TMTC2: variants seen among roughly 807,000 people sequenced by gnomAD.
TMTC2 encodes the protein protein O-mannosyl-transferase TMTC2.
Under a neutral mutation model 82.4 loss-of-function variants are expected in TMTC2, and 43 were observed. That is an observed-to-expected ratio of 0.52 (90% CI 0.41 to 0.67). TMTC2 has a LOEUF of 0.67. TMTC2 is among the 30% of genes least tolerant of loss of function. The probability of loss-of-function intolerance (pLI) is 0.00; values close to 1 mark genes in which losing one functional copy is unlikely to be tolerated. For missense variants in TMTC2, 919 were observed against 1,012.4 expected, an observed-to-expected ratio of 0.91 and a Z score of 1.25; for synonymous variants, 408 against 381.9, an observed-to-expected ratio of 1.07 and a Z score of -0.80.
intron 1 of TMTC2, 118 bp from the exon 2 acceptor site, chr12:82,856,892 C>T (rs1871281605): frequency 3.1e-6 from 3 of 970,542 alleles, no homozygotes; most frequent in Admixed American, 2.5e-5. Flanking sequence ...TGCCTGGAAT[C>T]CCATCACAAA....
At chr12:83,124,623 A>C (rs1435987605) in intron 11 of TMTC2, among the ~76,000 whole-genome samples, 1 of 151,406 alleles carries the variant, frequency 6.6e-6, no homozygotes, top group East Asian at 1.9e-4. Context: ...GGACTTTGTC[A>C]ATGGAGCAGT....
At chr12:82,821,516 A>G (rs527625716) in intron 1 of TMTC2, among the ~76,000 whole-genome samples, 5 of 152,316 alleles carry the variant, frequency 3.3e-5, no homozygotes, top group African/African-American at 1.2e-4. Context: ...GAGGCTTAGA[A>G]AGATTAAGTA....
intron 4 of TMTC2, among the ~76,000 whole-genome samples, chr12:82,946,587 T>C (rs1199060812): frequency 1.3e-5 from 2 of 152,032 alleles, no homozygotes; most frequent in African/African-American, 4.8e-5. Flanking sequence ...TGGCACAGGG[T>C]TTGGGTAAAA....
At chr12:82,947,062 C>T (rs1877049705) in intron 4 of TMTC2, among the ~76,000 whole-genome samples, 1 of 151,980 alleles carries the variant, frequency 6.6e-6, no homozygotes, top group South Asian at 2.1e-4. Flanking sequence ...CTTTCTTTAA[C>T]AACAGAAATT....
chr12:82,850,601 A>T (rs1870923752), intron 1 of TMTC2, among the ~76,000 whole-genome samples: 2 of 152,276 alleles, frequency 1.3e-5, no homozygotes, highest in South Asian at 4.2e-4. Context: ...CCTCAAAAAG[A>T]TAGGAAGAGA....
At chr12:82,981,650 C>CA (rs1878923323) in intron 7 of TMTC2, among the ~76,000 whole-genome samples, 1 of 151,806 alleles carries the variant, frequency 6.6e-6, no homozygotes, top group Non-Finnish European at 1.5e-5. Context: ...GCACCATAAA[C>CA]GTTTTTTTCT....
At chr12:82,986,708 CA>C (rs1879168606) in intron 8 of TMTC2, 1 of 152,426 alleles carries the variant, frequency 6.6e-6, no homozygotes, top group African/African-American at 2.4e-5. Context: ...ATGTGACAAG[CA>C]CCCTTGGAGG....
At chr12:82,792,268 AT>A (rs11354326) in intron 1 of TMTC2, among the ~76,000 whole-genome samples, 2,970 of 151,420 alleles carry the variant, frequency 0.02, 101 homozygotes, top group African/African-American at 0.067. Context: ...CAGTACTGTA[AT>A]TTTTTTTTAG....
chr12:83,034,024 GCA>G (rs1881563398), intron 9 of TMTC2, among the ~76,000 whole-genome samples: 1 of 151,436 alleles, frequency 6.6e-6, no homozygotes, highest in African/African-American at 2.4e-5. Context: ...GCCCTGCTGT[GCA>G]CAGTTTTAGA....
intron 1 of TMTC2, among the ~76,000 whole-genome samples, chr12:82,715,943 C>A (rs1001563523): frequency 3.9e-5 from 6 of 152,196 alleles, no homozygotes; most frequent in Non-Finnish European, 7.3e-5. Context: ...TCCTTCTCCC[C>A]TCCGCTCGTA....
chr12:82,708,559 G>A (rs1175329775), intron 1 of TMTC2, among the ~76,000 whole-genome samples: 1 of 152,176 alleles, frequency 6.6e-6, no homozygotes, highest in Non-Finnish European at 1.5e-5. Context: ...GTGCTGGCGA[G>A]CAGCGATTTT....
At chr12:82,958,041 C>T (rs893063319) in intron 4 of TMTC2, among the ~76,000 whole-genome samples, 14 of 152,000 alleles carry the variant, frequency 9.2e-5, no homozygotes, top group African/African-American at 3.1e-4. Flanking sequence ...CAGCATCACC[C>T]TGATACCAAA....
At chr12:83,039,338 G>A (rs1033244685) in intron 9 of TMTC2, among the ~76,000 whole-genome samples, 21 of 151,954 alleles carry the variant, frequency 1.4e-4, no homozygotes, top group Non-Finnish European at 2.9e-5. Flanking sequence ...AAACTTTCAA[G>A]ACATAAAACT....
chr12:83,123,296 T>C (rs2137564149), intron 11 of TMTC2, among the ~76,000 whole-genome samples: 1 of 152,344 alleles, frequency 6.6e-6, no homozygotes, highest in Admixed American at 6.5e-5. Context: ...GTCTGATTTG[T>C]TTTATTCAAA....
intron 9 of TMTC2, among the ~76,000 whole-genome samples, chr12:83,049,461 G>A (rs1882265759): frequency 6.6e-6 from 1 of 152,124 alleles, no homozygotes; most frequent in East Asian, 1.9e-4. Flanking sequence ...ATGGCCTCCA[G>A]TTCCACCCAG....
At chr12:82,978,359 A>T (rs1878770959) in intron 7 of TMTC2, among the ~76,000 whole-genome samples, 1 of 151,750 alleles carries the variant, frequency 6.6e-6, no homozygotes. Flanking sequence ...GTTGTAAATG[A>T]TAAAACTGAG....
intron 9 of TMTC2, among the ~76,000 whole-genome samples, chr12:83,046,011 C>G (rs1182733245): frequency 1.3e-5 from 2 of 152,240 alleles, no homozygotes; most frequent in South Asian, 4.1e-4. Context: ...TCAAGTCACC[C>G]ACTTAGCCCT....
chr12:83,048,626 A>C (rs1451539869), intron 9 of TMTC2, among the ~76,000 whole-genome samples: 2 of 152,188 alleles, frequency 1.3e-5, no homozygotes, highest in African/African-American at 4.8e-5. Context: ...ATTGTTTACT[A>C]ACTGAAGTTT....
intron 3 of TMTC2, among the ~76,000 whole-genome samples, chr12:82,918,732 CTCTCTCTT>C (rs900568075): frequency 2.7e-5 from 4 of 147,876 alleles, no homozygotes; most frequent in Non-Finnish European, 4.6e-5. Flanking sequence ...CTCTCTCTCT[CTCTCTCTT>C]TCTCTCCCTC....
Sources: allele counts gnomAD v4.1 joint callset (sites outside exome capture counted in the v4.1 genomes callset), GRCh38; gene constraint gnomAD v4.1.1; transcripts MANE v1.5; gene names NCBI Gene and HGNC (gene_info 2026-07-23, HGNC 2026-07-21).